Variants in DCDC1 observed in about 807,000 individuals in gnomAD.
DCDC1 encodes the protein doublecortin domain containing 1.
DCDC1 carries 200 observed loss-of-function variants against 178.3 expected under a neutral mutation model. The ratio of observed to expected loss-of-function variants is 1.12; its 90% CI spans 1.00 to 1.26. DCDC1 has a LOEUF of 1.26. DCDC1 is among the 50% of genes most tolerant of loss of function. The pLI, the probability that DCDC1 is intolerant of heterozygous loss-of-function variation, is 0.00. For missense variants in DCDC1, 1,983 were observed against 1,749.2 expected (o/e 1.13, Z -2.38); for synonymous variants, 690 against 604.8 (o/e 1.14, Z -2.07).
rs186841264 is a variant in DCDC1 at position 30,917,222 on chromosome 11, A to G, written c.3294-194T>C. 3.6e-3 allele frequency among the ~76,000 whole-genome samples: 541 copies of G among 152,322 alleles called. 2 individuals carry two copies. The highest frequency in any genetic ancestry group is 6.8e-3 in the Middle Eastern group (2 of 294). ...TTAGATCTTTTAATATAAGGCTACA[A>G]ATAAAATTCCTCAATCACATAATAA... On this transcript the variant is annotated intron_variant, in intron 25 of 38. Coordinates refer to ENST00000684477, the MANE Select transcript of DCDC1 (RefSeq NM_001387274.1).
At chr11:31,194,375 T>G (rs1032528634) in intron 9 of DCDC1, among the ~76,000 whole-genome samples, 1 of 152,094 alleles carries the variant, frequency 6.6e-6, no homozygotes, top group African/African-American at 2.4e-5. Context: ...ATGGAGTTAT[T>G]TTTTTCTGAT....
At chr11:30,898,534 C>T (rs1198718005) in intron 34 of DCDC1, among the ~76,000 whole-genome samples, 2 of 152,090 alleles carry the variant, frequency 1.3e-5, no homozygotes, top group Non-Finnish European at 2.9e-5. Context: ...TGAGGAGGAA[C>T]ACCTGGGTAG....
intron 10 of DCDC1, among the ~76,000 whole-genome samples, chr11:31,134,152 G>C (rs1020785881): frequency 6.6e-6 from 1 of 152,188 alleles, no homozygotes; most frequent in Non-Finnish European, 1.5e-5. Flanking sequence ...ATCCACTCAT[G>C]GGAGAAGGAA....
chr11:31,091,743 C>G (rs779759841), intron 16 of DCDC1, among the ~76,000 whole-genome samples: 6 of 152,068 alleles, frequency 3.9e-5, no homozygotes, highest in Admixed American at 1.3e-4. Context: ...TAAAACAGAC[C>G]TTGATATCTT....
chr11:31,079,218 C>T (rs1957037406), intron 17 of DCDC1, among the ~76,000 whole-genome samples: 2 of 152,072 alleles, frequency 1.3e-5, no homozygotes, highest in South Asian at 2.1e-4. Context: ...ATCAATCATG[C>T]CTCCATAAAA....
At chr11:30,912,579 G>A (rs551805012) in intron 27 of DCDC1, among the ~76,000 whole-genome samples, 1 of 152,146 alleles carries the variant, frequency 6.6e-6, no homozygotes, top group South Asian at 2.1e-4. Flanking sequence ...CACCATGCCC[G>A]GCCCTGTTTC....
chr11:30,898,988 A>C (rs1369651301), intron 34 of DCDC1, among the ~76,000 whole-genome samples: 3 of 152,180 alleles, frequency 2.0e-5, no homozygotes, highest in Non-Finnish European at 4.4e-5. Flanking sequence ...AAGAGAATGG[A>C]AGAAGGAGAC....
At chr11:31,262,865 A>T in intron 8 of DCDC1, 1 of 478,764 alleles carries the variant, frequency 2.1e-6, no homozygotes, top group South Asian at 5.4e-5. Flanking sequence ...TAAATATTTT[A>T]AGTCCAGTGA....
chr11:31,340,746 C>T (rs1950503741), intron 1 of DCDC1, among the ~76,000 whole-genome samples: 2 of 152,126 alleles, frequency 1.3e-5, no homozygotes, highest in Admixed American at 1.3e-4. Flanking sequence ...GAATTGCACC[C>T]CTTCTCTAAG....
At chr11:31,360,984 C>T (rs1277175936) in intron 1 of DCDC1, among the ~76,000 whole-genome samples, 1 of 152,092 alleles carries the variant, frequency 6.6e-6, no homozygotes, top group Non-Finnish European at 1.5e-5. Context: ...TTAAATTGGG[C>T]TACTAAATGC....
intron 20 of DCDC1, among the ~76,000 whole-genome samples, chr11:30,958,819 A>G (rs987827615): frequency 6.6e-6 from 1 of 152,072 alleles, no homozygotes; most frequent in African/African-American, 2.4e-5. Context: ...TCTTCCACTG[A>G]CCTGGGGAGT....
intron 9 of DCDC1, among the ~76,000 whole-genome samples, chr11:31,183,228 A>G (rs566352516): frequency 1.3e-5 from 2 of 152,326 alleles, no homozygotes; most frequent in South Asian, 4.1e-4. Flanking sequence ...ACTTGAACTC[A>G]GCTCTGGACC....
At chr11:31,022,456 T>G (rs1384256592) in intron 20 of DCDC1, among the ~76,000 whole-genome samples, 1 of 152,040 alleles carries the variant, frequency 6.6e-6, no homozygotes, top group African/African-American at 2.4e-5. Flanking sequence ...TATCTGCAAA[T>G]ATTCTATTTC....
At chr11:31,359,767 G>A (rs1325336819) in intron 1 of DCDC1, among the ~76,000 whole-genome samples, 1 of 152,048 alleles carries the variant, frequency 6.6e-6, no homozygotes, top group Non-Finnish European at 1.5e-5. Context: ...AAAATGTGGG[G>A]GTGTGAGATA....
chr11:30,943,701 TTTA>T (rs1421112957), intron 21 of DCDC1: 1 of 446,144 alleles, frequency 2.2e-6, no homozygotes, highest in Non-Finnish European at 4.5e-6. Flanking sequence ...ACCAAAAGAA[TTTA>T]TTAATGTTGG....
intron 38 of DCDC1, among the ~76,000 whole-genome samples, chr11:30,873,971 T>TA (rs1941884680): frequency 6.6e-6 from 1 of 152,160 alleles, no homozygotes; most frequent in Non-Finnish European, 1.5e-5. Context: ...GGGTCCTAGT[T>TA]AAAATCTCTG....
At position 31,124,641 on chromosome 11, in the gene DCDC1, C is replaced by G. The variant is rs553701955; in HGVS notation, c.1485+2828G>C. ...CAGAAATAAGGCCACACACCTACAA[C>G]TATCTGATCTTTGACAAACTTGACA... On this transcript the variant is annotated intron_variant, in intron 11 of 38. Coordinates refer to ENST00000684477, the MANE Select transcript of DCDC1 (RefSeq NM_001387274.1). Among the ~76,000 whole-genome samples, 35 of 152,276 alleles carry G rather than the reference C, an allele frequency of 2.3e-4. No homozygotes were observed. The East Asian group carries it at 6.6e-3, about 29-fold the overall frequency.
In DCDC1 at chr11:30,952,436, C is replaced by A. The variant is rs1438271380; in HGVS notation, c.2715+9G>T. ...CTCAATGACCATCTCTTAAGCTAAG[C>A]AACACAACCTCATTAAGTTGGCCAC... On this transcript the variant is annotated intron_variant, in intron 21 of 38. Transcript: ENST00000684477. 6.4e-7 allele frequency: 1 copy of A among 1,552,474 alleles called. No individual in the cohort carries two copies. The highest frequency in any genetic ancestry group is 2.3e-5 in the East Asian group (1 of 44,138).
chr11:30,874,922 A>G (rs775893071), intron 38 of DCDC1, among the ~76,000 whole-genome samples: 2 of 152,228 alleles, frequency 1.3e-5, no homozygotes, highest in Non-Finnish European at 2.9e-5. Context: ...GCAATAGCAC[A>G]TCCAATTCAG....
Sources: gnomAD v4.1 joint callset for allele counts (sites outside exome capture counted in the v4.1 genomes callset) on GRCh38, gnomAD v4.1.1 for gene constraint, MANE v1.5 for transcripts, NCBI Gene and HGNC (gene_info 2026-07-23, HGNC 2026-07-21) for gene names.